NFIB: variants seen among roughly 807,000 people sequenced by gnomAD.
The protein encoded by NFIB is nuclear factor I B.
NFIB carries 11 observed loss-of-function variants against 61.5 expected under a neutral mutation model. That is an observed-to-expected ratio of 0.18 (90% CI 0.11 to 0.30). NFIB has a LOEUF of 0.30. Ranked by LOEUF, NFIB falls within the 10% of genes least tolerant of loss-of-function variation. The pLI is 1.00. For synonymous variants in NFIB, 260 were observed against 216.5 expected (o/e 1.20, Z -1.76); for missense variants, 471 against 608.9 (o/e 0.77, Z 2.38).
At chr9:14,304,356 G>A (rs1385426128) in intron 2 of NFIB, among the ~76,000 whole-genome samples, 2 of 152,252 alleles carry the variant, frequency 1.3e-5, no homozygotes, top group Non-Finnish European at 2.9e-5. Context: ...AAGAGATGCA[G>A]TGTGTGATCT....
chr9:14,196,203 A>C (rs2131592364), intron 2 of NFIB, among the ~76,000 whole-genome samples: 1 of 152,290 alleles, frequency 6.6e-6, no homozygotes, highest in Middle Eastern at 3.4e-3. Flanking sequence ...ATGAGATAAA[A>C]GTCTCAAGGC....
intron 2 of NFIB, among the ~76,000 whole-genome samples, chr9:14,217,291 C>T (rs891687842): frequency 1.3e-5 from 2 of 152,106 alleles, no homozygotes; most frequent in Admixed American, 1.3e-4. Flanking sequence ...AAATTATTTC[C>T]AGAATGGGCA....
At chr9:14,491,152 A>G in the NFIB span, among the ~76,000 whole-genome samples, 1 of 152,172 alleles carries the variant, frequency 6.6e-6, no homozygotes, top group Non-Finnish European at 1.5e-5. Context: ...TTTCATCTCA[A>G]TTTCCTCAAC....
chr9:14,261,312 G>A (rs930283854), intron 2 of NFIB, among the ~76,000 whole-genome samples: 6 of 151,900 alleles, frequency 3.9e-5, no homozygotes, highest in African/African-American at 7.2e-5. Flanking sequence ...GCAGGACTCC[G>A]TCTCAAAAAA....
chr9:14,470,262 G>C, the NFIB span, among the ~76,000 whole-genome samples: 1 of 152,114 alleles, frequency 6.6e-6, no homozygotes, highest in Non-Finnish European at 1.5e-5. Flanking sequence ...GTGCAACTCT[G>C]TGTGTCTGCT....
At chr9:14,360,552 T>C (rs1323761268) in intron 1 of NFIB, among the ~76,000 whole-genome samples, 1 of 150,750 alleles carries the variant, frequency 6.6e-6, no homozygotes, top group Non-Finnish European at 1.5e-5. Flanking sequence ...TTTTTTCTTT[T>C]TTTTTTTTTT....
chr9:14,389,187 C>T (rs1285716583), intron 1 of NFIB, among the ~76,000 whole-genome samples: 1 of 152,164 alleles, frequency 6.6e-6, no homozygotes, highest in Non-Finnish European at 1.5e-5. Context: ...AAGTTAGGCC[C>T]TGTTAATATT....
intron 2 of NFIB, among the ~76,000 whole-genome samples, chr9:14,235,079 T>G (rs1202161471): frequency 6.6e-6 from 1 of 152,176 alleles, no homozygotes; most frequent in Non-Finnish European, 1.5e-5. Flanking sequence ...TATATGCCTA[T>G]AGAGGATAAT....
At chr9:14,165,237 A>T (rs2044648911) in intron 3 of NFIB, among the ~76,000 whole-genome samples, 2 of 152,152 alleles carry the variant, frequency 1.3e-5, no homozygotes, top group Non-Finnish European at 2.9e-5. Flanking sequence ...GGCCTTAGGA[A>T]ATAAGACAAG....
chr9:14,201,205 G>A lies in NFIB; in HGVS notation c.563-21425C>T, dbSNP rs565463755. On this transcript the variant is annotated intron_variant, in intron 2 of 10. Transcript: ENST00000380953. ...GACTCCATCCTCTGCATAGCCACCA[G>A]GAATCACAACACTTCACTCCTTAAA... 2.0e-5 allele frequency among the ~76,000 whole-genome samples: 3 copies of A among 152,234 alleles called. No homozygotes were observed. The South Asian group carries it at 6.2e-4, about 32-fold the overall frequency.
chr9:14,313,188 C>T lies in NFIB; in HGVS notation c.30+294G>A, dbSNP rs143781487. ...GCACCACAACGGGCACTTGAGGGGC[C>T]GCACGGGGCCTCGCACTTACAGGTC... On this transcript the variant is annotated intron_variant, in intron 1 of 10. Coordinates refer to ENST00000380953, the MANE Select transcript of NFIB (RefSeq NM_001190737.2). The surrounding 1 kb of genome is among the most constrained non-coding windows in gnomAD (Gnocchi z 4.5). Among the ~76,000 whole-genome samples the T allele has an allele frequency of 2.6e-3, 394 of 152,206 alleles. 2 individuals carry two copies. The highest frequency in any genetic ancestry group is 9.1e-3 in the African/African-American group (377 of 41,560).
intron 2 of NFIB, among the ~76,000 whole-genome samples, chr9:14,252,738 C>A (rs139180842): frequency 6.6e-6 from 1 of 152,094 alleles, no homozygotes; most frequent in Non-Finnish European, 1.5e-5. Context: ...CGAGAACAGG[C>A]GTCTTAAGAT....
intron 1 of NFIB, among the ~76,000 whole-genome samples, chr9:14,378,070 G>A (rs1011269839): frequency 2.0e-5 from 3 of 152,156 alleles, no homozygotes; most frequent in South Asian, 2.1e-4. Context: ...CCAGCTGAGG[G>A]TGGGGGCTTG....
At chr9:14,271,124 G>A (rs2057582153) in intron 2 of NFIB, among the ~76,000 whole-genome samples, 2 of 151,490 alleles carry the variant, frequency 1.3e-5, no homozygotes, top group Admixed American at 1.3e-4. Context: ...ACAAAATCTG[G>A]CCCAACCCCC....
chr9:14,300,215 A>G (rs1274014122), intron 2 of NFIB: 1 of 398,434 alleles, frequency 2.5e-6, no homozygotes, highest in Non-Finnish European at 4.4e-6. Context: ...GAGCATGATC[A>G]GAAGGAAGCG....
In NFIB at chr9:14,231,132, AAAAATAT is replaced by A. The variant is rs1195839217; in HGVS notation, c.563-51359_563-51353del. Among the ~76,000 whole-genome samples, 339 of 93,172 alleles carry A rather than the reference AAAAATAT, an allele frequency of 3.6e-3. 1 individual carries two copies. The highest frequency in any genetic ancestry group is 0.01 in the Middle Eastern group (2 of 198). The allele number at this position is 93,172 out of a possible 152,430, so 61.1% of individuals were successfully genotyped here. On this transcript the variant is annotated intron_variant, in intron 2 of 10. Coordinates refer to ENST00000380953, the MANE Select transcript of NFIB (RefSeq NM_001190737.2). ...GTTTTTCCATGGGGAAAAAAAAAAA[AAAAATAT>A]ATATATATATATATATATATATATA... is the stretch of plus-strand genomic sequence containing the variant.
intron 1 of NFIB, among the ~76,000 whole-genome samples, chr9:14,338,819 A>C (rs891421331): frequency 3.4e-5 from 5 of 146,994 alleles, no homozygotes; most frequent in Non-Finnish European, 7.5e-5. Context: ...CTATCTATCC[A>C]TCTCCCTCTC....
the NFIB span, among the ~76,000 whole-genome samples, chr9:14,432,394 C>G: frequency 6.6e-6 from 1 of 152,232 alleles, no homozygotes; most frequent in African/African-American, 2.4e-5. Flanking sequence ...CCCTGCTACA[C>G]CCATTCCTGG....
intron 2 of NFIB, among the ~76,000 whole-genome samples, chr9:14,240,847 T>G (rs1461853244): frequency 2.6e-5 from 4 of 152,218 alleles, no homozygotes; most frequent in African/African-American, 9.6e-5. Flanking sequence ...AGACAAACTC[T>G]CTAGCTTTGT....
Sources: gnomAD v4.1 joint callset for allele counts (sites outside exome capture counted in the v4.1 genomes callset) on GRCh38, gnomAD v4.1.1 for gene constraint, Gnocchi (gnomAD v3.1) non-coding constraint, MANE v1.5 for transcripts, NCBI Gene and HGNC (gene_info 2026-07-23, HGNC 2026-07-21) for gene names.